TMEM267: variants seen among roughly 807,000 people sequenced by gnomAD.
The protein encoded by TMEM267 is transmembrane protein 267.
TMEM267 carries 20 observed loss-of-function variants against 19.3 expected under a neutral mutation model. The observed-to-expected ratio is 1.04, with a 90% CI of 0.73 to 1.51. The LOEUF (loss-of-function observed/expected upper bound fraction) is 1.51, where lower values mean the gene tolerates loss of function less well. Ranked by LOEUF, TMEM267 falls within the 40% of genes most tolerant of loss-of-function variation. The pLI, the probability that TMEM267 is intolerant of heterozygous loss-of-function variation, is 0.00. For missense variants in TMEM267, 242 were observed against 261.9 expected (o/e 0.92, Z 0.52); for synonymous variants, 88 against 90.3 (o/e 0.97, Z 0.15).
chr5:43,464,498 G>C (rs1743500083), intron 1 of TMEM267, among the ~76,000 whole-genome samples: 1 of 152,256 alleles, frequency 6.6e-6, no homozygotes, highest in South Asian at 2.1e-4. Flanking sequence ...GCATTACCAA[G>C]TCAATCCTAA....
At chr5:43,474,197 T>A (rs1240430770) in intron 1 of TMEM267, among the ~76,000 whole-genome samples, 2 of 152,162 alleles carry the variant, frequency 1.3e-5, no homozygotes, top group Non-Finnish European at 2.9e-5. Context: ...GACACAGGCA[T>A]GGGCAAAGAC....
At chr5:43,459,967 G>A (rs1432252993) in intron 1 of TMEM267, among the ~76,000 whole-genome samples, 1 of 152,170 alleles carries the variant, frequency 6.6e-6, no homozygotes, top group East Asian at 1.9e-4. Context: ...TCAACATAAT[G>A]TAGAATCAGT....
intron 1 of TMEM267, among the ~76,000 whole-genome samples, chr5:43,459,000 C>CAA (rs201322664): frequency 1.4e-3 from 209 of 148,080 alleles, no homozygotes; most frequent in Middle Eastern, 3.5e-3. Context: ...GTTTCTATGT[C>CAA]AAAAAAAAAA....
At chr5:43,461,309 G>C (rs1743244459) in intron 1 of TMEM267, among the ~76,000 whole-genome samples, 1 of 152,182 alleles carries the variant, frequency 6.6e-6, no homozygotes, top group South Asian at 2.1e-4. Flanking sequence ...CAAGGGCCTT[G>C]CGTGAGCCTC....
At chr5:43,456,636 C>T (rs954067274) in intron 1 of TMEM267, among the ~76,000 whole-genome samples, 1 of 151,842 alleles carries the variant, frequency 6.6e-6, no homozygotes, top group African/African-American at 2.4e-5. Context: ...ATTCAGATAG[C>T]CAATAAGTAT....
At chr5:43,467,765 C>T (rs937841888) in intron 1 of TMEM267, among the ~76,000 whole-genome samples, 2 of 152,132 alleles carry the variant, frequency 1.3e-5, no homozygotes, top group Non-Finnish European at 2.9e-5. Context: ...GCAAATCTGC[C>T]TCTCATTCTA....
In TMEM267 at chr5:43,450,327, T is replaced by C. The variant is rs189049922; in HGVS notation, c.312+3331A>G. Among the ~76,000 whole-genome samples, 159 of 152,174 alleles carry C rather than the reference T, an allele frequency of 1.0e-3. 5 individuals carry two copies. The East Asian group carries it at 0.03, about 28-fold the overall frequency. On this transcript the variant is annotated intron_variant, in intron 2 of 2. Transcript: ENST00000397080. ...TTATTAATAGAAAAACAATGAATAA[T>C]GAAAGAAAATGGAATTATCATAGAA...
intron 1 of TMEM267, among the ~76,000 whole-genome samples, chr5:43,459,758 T>C (rs1047635556): frequency 2.0e-5 from 3 of 152,178 alleles, no homozygotes; most frequent in African/African-American, 7.2e-5. Flanking sequence ...TTTTATTTCA[T>C]ACTCAGGTAT....
chr5:43,458,140 G>T (rs1193224003), intron 1 of TMEM267, among the ~76,000 whole-genome samples: 1 of 152,000 alleles, frequency 6.6e-6, no homozygotes, highest in East Asian at 1.9e-4. Context: ...TTGCTCTGTT[G>T]TCCAGGCTGG....
Position 43,453,829 on chromosome 5 carries a change from C to T in TMEM267, c.141G>A (p.Trp47Ter), listed in dbSNP as rs201911245. The T allele has an allele frequency of 1.4e-5, 22 of 1,613,984 alleles. No individual in the cohort carries two copies. Among genetic ancestry groups the T allele is most frequent in the Non-Finnish European group, 1.7e-5 (20 of 1,180,006 alleles). ...CTGCATTATCTGAGAGAGCACGAAG[C>T]CAGTCATTTTGCTGAATTGTGGAAA... Reference protein sequence around the residue: ...LQFSTIQQNDWLRALSDNAVH... With the variant: ...LQFSTIQQND Residue 47 changes from tryptophan to a stop codon, truncating the protein, a stop_gained, in exon 2 of 3, where the codon TGG becomes TGA. Coordinates refer to ENST00000397080, the MANE Select transcript of TMEM267 (RefSeq NM_022483.5). LOFTEE classifies it high-confidence loss of function.
At chr5:43,466,127 C>T (rs10461740) in intron 1 of TMEM267, among the ~76,000 whole-genome samples, 2,097 of 152,038 alleles carry the variant, frequency 0.014, 58 homozygotes, top group East Asian at 0.13. Context: ...ACTTAGATAT[C>T]GCTATCCAAG....
intron 1 of TMEM267, among the ~76,000 whole-genome samples, chr5:43,469,778 TA>T (rs1157451731): frequency 6.6e-6 from 1 of 152,156 alleles, no homozygotes; most frequent in African/African-American, 2.4e-5. Context: ...GCTACAAAGA[TA>T]AAAAGCTACA....
intron 1 of TMEM267, among the ~76,000 whole-genome samples, chr5:43,475,820 C>T (rs1207330443): frequency 1.3e-5 from 2 of 152,076 alleles, no homozygotes; most frequent in East Asian, 3.9e-4. Context: ...ACATTCACAA[C>T]AGCAACTCAA....
chr5:43,474,759 CAA>C (rs1175355175), intron 1 of TMEM267, among the ~76,000 whole-genome samples: 17 of 57,394 alleles, frequency 3.0e-4, no homozygotes, highest in Non-Finnish European at 4.5e-4. Flanking sequence ...AACTCTGTCT[CAA>C]AAAAAAAAAA....
chr5:43,456,269 T>C (rs1742945396), intron 1 of TMEM267, among the ~76,000 whole-genome samples: 1 of 152,246 alleles, frequency 6.6e-6, no homozygotes, highest in Non-Finnish European at 1.5e-5. Context: ...TTACTCCATA[T>C]ACAAAAATTA....
intron 2 of TMEM267, among the ~76,000 whole-genome samples, chr5:43,448,912 A>T (rs1561183614): frequency 1.3e-5 from 2 of 152,098 alleles, no homozygotes; most frequent in African/African-American, 4.8e-5. Context: ...AGTACGTTAA[A>T]TCTCAAACAA....
chr5:43,455,808 C>T (rs1742914320), intron 1 of TMEM267, among the ~76,000 whole-genome samples: 1 of 152,204 alleles, frequency 6.6e-6, no homozygotes, highest in African/African-American at 2.4e-5. Flanking sequence ...CCACCTCAGC[C>T]TCCCAAAGAG....
chr5:43,444,917 T>C lies in TMEM267; in HGVS notation c.*1305A>G, dbSNP rs1193386315. The C allele has an allele frequency of 6.6e-6, 1 of 152,146 alleles. No homozygotes were observed. The highest frequency in any genetic ancestry group is 1.9e-4 in the East Asian group (1 of 5,202). The allele number at this position is 152,146 out of a possible 1,614,324, so 9.4% of individuals were successfully genotyped here. On this transcript the variant is annotated 3_prime_UTR_variant, in exon 3 of 3. Coordinates refer to ENST00000397080, the MANE Select transcript of TMEM267 (RefSeq NM_022483.5). ...CTCCCCTAAAGAGCTTGAACCTTCA[T>C]AATAATTTACAGAATTCTGTTTAAC...
chr5:43,460,227 C>T, intron 1 of TMEM267, among the ~76,000 whole-genome samples: 1 of 152,258 alleles, frequency 6.6e-6, no homozygotes, highest in African/African-American at 2.4e-5. Context: ...ACTTGCTAGC[C>T]TGCCGTTCAC....
Sources: gnomAD v4.1 joint callset for allele counts (sites outside exome capture counted in the v4.1 genomes callset) on GRCh38, gnomAD v4.1.1 for gene constraint, MANE v1.5 for transcripts, NCBI Gene and HGNC (gene_info 2026-07-23, HGNC 2026-07-21) for gene names.